Variants in JAM2 observed in about 807,000 individuals in gnomAD.
JAM2 encodes the protein junctional adhesion molecule B.
A neutral mutation model predicts 42.0 loss-of-function variants in JAM2; 17 were observed. That is an observed-to-expected ratio of 0.40 (90% CI 0.28 to 0.61). The LOEUF is 0.61. Ranked by LOEUF, JAM2 falls within the 20% of genes least tolerant of loss-of-function variation. JAM2 has a pLI of 0.37. For synonymous variants in JAM2, 118 were observed against 128.6 expected (o/e 0.92, Z 0.56); for missense variants, 319 against 358.3 (o/e 0.89, Z 0.89).
intron 6 of JAM2, among the ~76,000 whole-genome samples, 200 bp from the exon 7 acceptor site, chr21:25,705,779 A>G (rs1439332536): frequency 6.6e-6 from 1 of 152,196 alleles, no homozygotes; most frequent in Admixed American, 6.5e-5. Context: ...TATTTTTCCA[A>G]AGCTTAAGTT....
chr21:25,691,357 A>T (rs1367504468), intron 3 of JAM2, among the ~76,000 whole-genome samples: 1 of 152,180 alleles, frequency 6.6e-6, no homozygotes, highest in Non-Finnish European at 1.5e-5. Context: ...ATTTTATGCA[A>T]CACTATTTAT....
intron 1 of JAM2, among the ~76,000 whole-genome samples, chr21:25,661,286 T>C (rs2033082227): frequency 6.6e-6 from 1 of 151,938 alleles, no homozygotes; most frequent in African/African-American, 2.4e-5. Context: ...CAAGATTCCA[T>C]CTCTATGAGA....
At chr21:25,697,114 G>C (rs965994154) in intron 4 of JAM2, among the ~76,000 whole-genome samples, 9 of 151,446 alleles carry the variant, frequency 5.9e-5, no homozygotes, top group African/African-American at 2.2e-4. Context: ...AAAAATGCTG[G>C]GATTACAGGC....
chr21:25,639,732 G>T lies in JAM2; in HGVS notation c.-90G>T, dbSNP rs2032369796. The T allele has an allele frequency of 1.3e-6, 1 of 768,822 alleles. No homozygotes were observed. The highest frequency in any genetic ancestry group is 1.8e-5 in the African/African-American group (1 of 55,570). 47.6% of individuals were successfully genotyped at this position (768,822 alleles called of 1,614,324 possible). Reference sequence around the variant, plus strand: ...CCTCCCGACTCTCTGCTCCTTTCCCGCCCCAGAAGTTCAAGGGCCCCCGGC... The same window carrying T: ...CCTCCCGACTCTCTGCTCCTTTCCCTCCCCAGAAGTTCAAGGGCCCCCGGC... On this transcript the variant is annotated 5_prime_UTR_variant, in exon 1 of 10. Transcript: ENST00000480456.
At chr21:25,693,395 T>C (rs1422943236) in intron 3 of JAM2, among the ~76,000 whole-genome samples, 1 of 151,970 alleles carries the variant, frequency 6.6e-6, no homozygotes, top group Non-Finnish European at 1.5e-5. Context: ...GTAGCTGGGA[T>C]TACAGGCGCC....
intron 1 of JAM2, among the ~76,000 whole-genome samples, chr21:25,663,236 G>A (rs988088451): frequency 3.9e-5 from 6 of 152,292 alleles, no homozygotes; most frequent in African/African-American, 9.6e-5. Flanking sequence ...AGCCTGTTCC[G>A]AAAGGCCATT....
At chr21:25,655,483 C>CTTTT (rs35503919) in intron 1 of JAM2, among the ~76,000 whole-genome samples, 1 of 130,080 alleles carries the variant, frequency 7.7e-6, no homozygotes, top group Non-Finnish European at 1.6e-5. Context: ...AACATCAGCT[C>CTTTT]TTTTTTTTTT....
In JAM2 at chr21:25,671,707, C is replaced by T. The variant is rs942524771; in HGVS notation, c.68-12176C>T. Among the ~76,000 whole-genome samples the T allele has an allele frequency of 3.3e-5, 5 of 152,172 alleles. No homozygotes were observed. In the East Asian group the frequency reaches 9.6e-4, roughly 29 times the overall value. Reference sequence around the variant, plus strand: ...TTTTTTTAGTAGAGATGGGGTTTCACCATGTTGGCCAGGCTGGTCTCGAAC... The same window carrying T: ...TTTTTTTAGTAGAGATGGGGTTTCATCATGTTGGCCAGGCTGGTCTCGAAC... On this transcript the variant is annotated intron_variant, in intron 1 of 9. Coordinates refer to ENST00000480456, the MANE Select transcript of JAM2 (RefSeq NM_021219.4).
chr21:25,705,325 G>A (rs2034249817), intron 6 of JAM2, among the ~76,000 whole-genome samples: 1 of 152,146 alleles, frequency 6.6e-6, no homozygotes, highest in South Asian at 2.1e-4. Context: ...GAAACTCCTA[G>A]GCTCAAGTGA....
In JAM2 at chr21:25,690,767, C is replaced by T. The variant is rs990302712; in HGVS notation, c.241+794C>T. On this transcript the variant is annotated intron_variant, in intron 3 of 9. Transcript: ENST00000480456. ...ACTCCATTTGAAAGGTAGGCCACCA[C>T]TGAGAAGCTCAGGGAGTTAAGACTT... Among the ~76,000 whole-genome samples, 4 of 152,176 alleles carry T rather than the reference C, an allele frequency of 2.6e-5. No homozygotes were observed. The South Asian group carries it at 8.3e-4, about 32-fold the overall frequency.
At chr21:25,709,492 A>G in intron 8 of JAM2, 43 bp downstream of exon 8, 11 of 1,319,074 alleles carry the variant, frequency 8.3e-6, no homozygotes, top group East Asian at 2.3e-5. Context: ...TCCTATGTCA[A>G]CTAATTTTCT....
At chr21:25,670,207 C>T (rs768521928) in intron 1 of JAM2, among the ~76,000 whole-genome samples, 2 of 151,912 alleles carry the variant, frequency 1.3e-5, no homozygotes, top group East Asian at 1.9e-4. Context: ...ACCTTGGCTG[C>T]GCATGGTGGC....
intron 2 of JAM2, among the ~76,000 whole-genome samples, chr21:25,685,515 A>C (rs1378830032): frequency 7.5e-6 from 1 of 133,168 alleles, no homozygotes. Context: ...ACAAAGAGAG[A>C]GAATGTCTCA....
chr21:25,679,307 G>C (rs980985946), intron 1 of JAM2, among the ~76,000 whole-genome samples: 6 of 152,116 alleles, frequency 3.9e-5, no homozygotes, highest in Non-Finnish European at 7.3e-5. Context: ...ACACAATTCT[G>C]ATTTTATACA....
chr21:25,640,880 C>T (rs535052509), intron 1 of JAM2, among the ~76,000 whole-genome samples: 4 of 151,702 alleles, frequency 2.6e-5, no homozygotes, highest in African/African-American at 9.7e-5. Context: ...TTGCTATTCA[C>T]GTTCTGGTAA....
At chr21:25,712,117 C>T in intron 8 of JAM2, 13 of 529,014 alleles carry the variant, frequency 2.5e-5, no homozygotes, top group Middle Eastern at 1.0e-3. Context: ...GCTACATTTA[C>T]GTGCACAAGG....
intron 1 of JAM2, among the ~76,000 whole-genome samples, chr21:25,677,930 G>A (rs1201292381): frequency 6.6e-6 from 1 of 152,164 alleles, no homozygotes; most frequent in East Asian, 1.9e-4. Context: ...TGGAATCACT[G>A]GCAAAAATGT....
intron 8 of JAM2, chr21:25,710,253 G>A (rs1451186324): frequency 6.6e-6 from 1 of 151,892 alleles, no homozygotes; most frequent in African/African-American, 2.4e-5. Flanking sequence ...TATATTAATT[G>A]AATACCAATT....
At chr21:25,640,284 C>T (rs1012136415) in intron 1 of JAM2, among the ~76,000 whole-genome samples, 7 of 152,062 alleles carry the variant, frequency 4.6e-5, no homozygotes, top group African/African-American at 1.4e-4. Context: ...AGGCGGGCGC[C>T]GGCCACACTT....
Sources: gnomAD v4.1 joint callset for allele counts (sites outside exome capture counted in the v4.1 genomes callset) on GRCh38, gnomAD v4.1.1 for gene constraint, MANE v1.5 for transcripts, NCBI Gene and HGNC (gene_info 2026-07-23, HGNC 2026-07-21) for gene names.